ZCWPW1: variants seen among roughly 807,000 people sequenced by gnomAD.
ZCWPW1 encodes the protein zinc finger CW-type PWWP domain protein 1.
ZCWPW1 carries 56 observed loss-of-function variants against 81.3 expected under a neutral mutation model. The observed-to-expected ratio is 0.69, with a 90% CI of 0.56 to 0.86. The LOEUF (loss-of-function observed/expected upper bound fraction) is 0.86, where lower values mean the gene tolerates loss of function less well. Among genes scored for constraint, ZCWPW1 ranks in the 40% least tolerant of loss-of-function variants. The pLI, the probability that ZCWPW1 is intolerant of heterozygous loss-of-function variation, is 0.00. For synonymous variants in ZCWPW1, 250 were observed against 273.7 expected (o/e 0.91, Z 0.86); for missense variants, 650 against 769.8 (o/e 0.84, Z 1.84).
chr7:100,401,859 C>T, intron 17 of ZCWPW1, 30 bp downstream of exon 17: 1 of 1,581,466 alleles, frequency 6.3e-7, no homozygotes, highest in Non-Finnish European at 8.6e-7. Context: ...ACCTCATTCC[C>T]CTTAGTTTTT....
rs1439598133 is a variant in ZCWPW1 at position 100,419,733 on chromosome 7, A to C, written c.179T>G (p.Leu60Ter). The C allele has an allele frequency of 3.7e-6, 6 of 1,613,760 alleles. No homozygotes were observed. Among genetic ancestry groups the C allele is most frequent in the Admixed American group, 1.7e-5 (1 of 59,970 alleles). The change falls in exon 4 of 18, where the codon TTA (leucine) becomes TGA (stop). Residue 60 changes from leucine to a stop codon, truncating the protein, a stop_gained. Transcript: ENST00000684423. LOFTEE classifies it high-confidence loss of function. ...GGTTGCTTTTTCCTCTTTCTTCTTT[A>C]AACTGGCCTTTGGCAGGCTTATCCT... ...EARISLPKASLKKKEEKATMK... is the reference protein window; with the variant it reads ...EARISLPKAS
chr7:100,421,445 T>A (rs1434792554), intron 2 of ZCWPW1, among the ~76,000 whole-genome samples: 1 of 152,238 alleles, frequency 6.6e-6, no homozygotes, highest in African/African-American at 2.4e-5. Context: ...GCCCCACTTT[T>A]AACATCATTA....
rs868600982 is a variant in ZCWPW1 at position 100,428,086 on chromosome 7, C to T, written c.-137+482G>A. On this transcript the variant is annotated intron_variant, in intron 1 of 17. Transcript: ENST00000684423. ...TGGTTGTCGCCCTGAGAAAGTTTCT[C>T]CTCAGGCAACGGGTGCCAGGACTGG... Among the ~76,000 whole-genome samples the T allele has an allele frequency of 7.9e-5, 12 of 152,150 alleles. 1 individual carries two copies. The highest frequency in any genetic ancestry group is 2.1e-4 in the South Asian group (1 of 4,824).
In ZCWPW1 at chr7:100,404,179, T is replaced by C; in HGVS notation, c.1320A>G (p.Lys440=). The part of the protein sequence containing the change: ...FNGSNSNGER[K]DLQLSGLNSP... ...GTCCTCAACCTCCATTTATCCTACC[T>C]TTTCTTTCCCCATTACTGTTAGATC... Residue 440 remains lysine, a splice_region_variant and synonymous_variant, in exon 14 of 18, where the codon AAA becomes AAG. Coordinates refer to ENST00000684423, the MANE Select transcript of ZCWPW1 (RefSeq NM_001386010.1). 1 of 1,613,972 alleles carries C rather than the reference T, an allele frequency of 6.2e-7. No homozygotes were observed. Among genetic ancestry groups the C allele is most frequent in the Non-Finnish European group, 8.5e-7 (1 of 1,179,894 alleles).
At chr7:100,426,709 C>T in intron 1 of ZCWPW1, among the ~76,000 whole-genome samples, 1 of 140,546 alleles carries the variant, frequency 7.1e-6, no homozygotes, top group Non-Finnish European at 1.5e-5. Context: ...TTCCCTCCTT[C>T]TGTCTCCCTT....
At position 100,400,940 on chromosome 7, in the gene ZCWPW1, A is replaced by G; in HGVS notation, c.*74T>C. The G allele has an allele frequency of 1.4e-6, 2 of 1,445,468 alleles. No individual in the cohort carries two copies. The highest frequency in any genetic ancestry group is 1.8e-6 in the Non-Finnish European group (2 of 1,088,812). 89.5% of individuals were successfully genotyped at this position (1,445,468 alleles called of 1,614,324 possible). A position where few individuals can be genotyped will look rare whatever the true frequency, so the allele number is the denominator to read the frequency against. Reference sequence around the variant, plus strand: ...CATTTGAACCTCATAGCCAATGAACAGACCCAGCACTTAGCAACTTCTCCC... The same window carrying G: ...CATTTGAACCTCATAGCCAATGAACGGACCCAGCACTTAGCAACTTCTCCC... On this transcript the variant is annotated 3_prime_UTR_variant, in exon 18 of 18. Transcript: ENST00000684423.
At chr7:100,417,848 T>G (rs1430177437) in intron 5 of ZCWPW1, among the ~76,000 whole-genome samples, 1 of 152,114 alleles carries the variant, frequency 6.6e-6, no homozygotes, top group Non-Finnish European at 1.5e-5. Flanking sequence ...TGGAAAAGCC[T>G]TCATAGAGGT....
chr7:100,411,865 T>C (rs1382890764), intron 8 of ZCWPW1, among the ~76,000 whole-genome samples: 1 of 152,166 alleles, frequency 6.6e-6, no homozygotes, highest in African/African-American at 2.4e-5. Context: ...CATTGTACTT[T>C]TTTAAAAGTT....
chr7:100,408,250 C>A (rs1793471457), intron 10 of ZCWPW1, among the ~76,000 whole-genome samples: 1 of 152,098 alleles, frequency 6.6e-6, no homozygotes, highest in Admixed American at 6.5e-5. Flanking sequence ...TGCGCCTGGC[C>A]AATCTCAATA....
intron 10 of ZCWPW1, 102 bp downstream of exon 10, chr7:100,408,436 GA>G: frequency 6.7e-7 from 1 of 1,486,136 alleles, no homozygotes; most frequent in Non-Finnish European, 9.2e-7. Context: ...TCTAAGGCCA[GA>G]ACCATTTCAA....
At position 100,403,691 on chromosome 7, in the gene ZCWPW1, T is replaced by TA. The variant is rs773557204; in HGVS notation, c.1413+2dup. 1.1e-5 allele frequency: 17 copies of TA among 1,607,986 alleles called. No individual in the cohort carries two copies. The African/African-American group carries it at 2.3e-4, about 22-fold the overall frequency. ...TAAAAACTGAAATTAAAGCTAATCTTACTGTTTTCTCTCCTTCCTCCTTTT... is the reference window on the plus strand; with the variant it reads ...TAAAAACTGAAATTAAAGCTAATCTTAACTGTTTTCTCTCCTTCCTCCTTTT... On this transcript the variant is annotated splice_region_variant and intron_variant, in intron 15 of 17. Coordinates refer to ENST00000684423, the MANE Select transcript of ZCWPW1 (RefSeq NM_001386010.1).
intron 2 of ZCWPW1, among the ~76,000 whole-genome samples, chr7:100,421,594 T>G (rs903388218): frequency 6.6e-6 from 1 of 152,262 alleles, no homozygotes; most frequent in African/African-American, 2.4e-5. Context: ...TTTTTCCTTA[T>G]TCTACCTTAG....
At chr7:100,424,147 T>C (rs1452172292) in intron 2 of ZCWPW1, among the ~76,000 whole-genome samples, 1 of 151,206 alleles carries the variant, frequency 6.6e-6, no homozygotes, top group Non-Finnish European at 1.5e-5. Flanking sequence ...GACAAATATA[T>C]CTTTTCCTAG....
chr7:100,427,935 C>A (rs113967749), intron 1 of ZCWPW1, among the ~76,000 whole-genome samples: 66 of 151,944 alleles, frequency 4.3e-4, no homozygotes, highest in Non-Finnish European at 8.8e-4. Flanking sequence ...CCTCCACCCC[C>A]ACTCCTGCCG....
chr7:100,415,373 G>A (rs1211620805), intron 8 of ZCWPW1, among the ~76,000 whole-genome samples: 1 of 151,898 alleles, frequency 6.6e-6, no homozygotes, highest in Non-Finnish European at 1.5e-5. Context: ...GAGCCACCAT[G>A]CCCAGCCTCC....
chr7:100,428,307 G>A (rs555860357), intron 1 of ZCWPW1, among the ~76,000 whole-genome samples: 1 of 152,178 alleles, frequency 6.6e-6, no homozygotes, highest in African/African-American at 2.4e-5. Flanking sequence ...CGGTGCGCTC[G>A]CGGGGCCGAG....
chr7:100,401,853 C>A (rs1344768925), intron 17 of ZCWPW1, 36 bp downstream of exon 17: 1 of 1,572,072 alleles, frequency 6.4e-7, no homozygotes, highest in African/African-American at 1.4e-5. Context: ...ACAGGCACCT[C>A]ATTCCCCTTA....
At chr7:100,415,075 A>AT (rs1165297451) in intron 8 of ZCWPW1, among the ~76,000 whole-genome samples, 7,429 of 74,220 alleles carry the variant, frequency 0.1, 1,052 homozygotes, top group African/African-American at 0.12. Context: ...CTCCGTACCC[A>AT]TTTTTTTTTT....
At chr7:100,421,454 T>C (rs1391448060) in intron 2 of ZCWPW1, among the ~76,000 whole-genome samples, 1 of 152,194 alleles carries the variant, frequency 6.6e-6, no homozygotes, top group Non-Finnish European at 1.5e-5. Flanking sequence ...TTAACATCAT[T>C]ATAATGTTTA....
Sources: allele counts gnomAD v4.1 joint callset (sites outside exome capture counted in the v4.1 genomes callset), GRCh38; gene constraint gnomAD v4.1.1; transcripts MANE v1.5; gene names NCBI Gene and HGNC (gene_info 2026-07-23, HGNC 2026-07-21).